The following GDAP2 variants were observed in gnomAD, a reference collection of about 807,000 sequenced individuals.
The protein encoded by GDAP2 is ganglioside-induced differentiation-associated protein 2.
In GDAP2, 51 loss-of-function variants were observed where a neutral mutation model predicts 67.0. The ratio of observed to expected loss-of-function variants is 0.76; its 90% CI spans 0.61 to 0.96. GDAP2 has a LOEUF of 0.96. Ranked by LOEUF, GDAP2 falls within the 40% of genes least tolerant of loss-of-function variation. The pLI is 0.00. For synonymous variants in GDAP2, 203 were observed against 207.3 expected, an observed-to-expected ratio of 0.98 and a Z score of 0.18; for missense variants, 547 against 588.3, an observed-to-expected ratio of 0.93 and a Z score of 0.73.
At chr1:117,882,330 G>A (rs1022358988) in intron 11 of GDAP2, among the ~76,000 whole-genome samples, 4 of 151,942 alleles carry the variant, frequency 2.6e-5, no homozygotes, top group Admixed American at 2.0e-4. Context: ...AATTTGCTGT[G>A]CCCCAGAAAT....
At chr1:117,913,374 T>A (rs969661519) in intron 3 of GDAP2, 1 of 149,662 alleles carries the variant, frequency 6.7e-6, no homozygotes, top group Admixed American at 6.7e-5. Flanking sequence ...CAACAACCCC[T>A]CCCCCAGCCA....
chr1:117,879,403 C>T (rs1288957296), intron 12 of GDAP2, among the ~76,000 whole-genome samples: 1 of 151,920 alleles, frequency 6.6e-6, no homozygotes, highest in East Asian at 1.9e-4. Context: ...ACTTCAGGGT[C>T]CTATAAGATG....
At chr1:117,882,897 T>C (rs1270963021) in intron 11 of GDAP2, 3 of 152,170 alleles carry the variant, frequency 2.0e-5, no homozygotes, top group Non-Finnish European at 4.4e-5. Context: ...GTGCCACTTT[T>C]TATTCAGAAA....
In GDAP2 at chr1:117,899,135, C is replaced by T. The variant is rs757340382; in HGVS notation, c.718G>A (p.Asp240Asn). The T allele has an allele frequency of 6.2e-7, 1 of 1,609,480 alleles. No individual in the cohort carries two copies. The part of the protein sequence containing the change: ...ENRSLPYLPA[D>N]IGNAEGEPVV... Reference sequence around the variant, plus strand: ...GGCTCCCCTTCTGCATTTCCAATATCTGCAGGTAGGTAGGGCAATGATCGA... The same window carrying T: ...GGCTCCCCTTCTGCATTTCCAATATTTGCAGGTAGGTAGGGCAATGATCGA... The change falls in exon 7 of 14, where the codon GAT (aspartate) becomes AAT (asparagine). Residue 240 changes from aspartate (D) to asparagine (N), a missense_variant. Transcript: ENST00000369443.
At chr1:117,884,204 G>A (rs1463002912) in intron 10 of GDAP2, among the ~76,000 whole-genome samples, 6 of 152,112 alleles carry the variant, frequency 3.9e-5, no homozygotes, top group Non-Finnish European at 1.5e-5. Context: ...ATTGACAGCA[G>A]GTTTAATCAG....
Position 117,912,594 on chromosome 1 carries a change from G to A in GDAP2, c.406C>T (p.Arg136Cys), listed in dbSNP as rs753536303. The change falls in exon 4 of 14, where the codon CGC (arginine) becomes TGC (cysteine). Residue 136 changes from arginine to cysteine, a missense_variant. Physicochemically the swap from Arg to Cys is radical, Grantham distance 180 (BLOSUM62 -3). Coordinates refer to ENST00000369443, the MANE Select transcript of GDAP2 (RefSeq NM_017686.4). ...GAACTCTCAGCTGCTGTGCGATAGC[G>A]GCTTTTATATTTAGGTCCCACTGTG... ...IHTVGPKYKSRYRTAAESSLY... is the reference protein window; with the variant it reads ...IHTVGPKYKSCYRTAAESSLY... 19 of 1,613,010 alleles carry A rather than the reference G, an allele frequency of 1.2e-5. No homozygotes were observed. Among genetic ancestry groups the A allele is most frequent in the South Asian group, 5.5e-5 (5 of 91,066 alleles).
chr1:117,882,005 AT>A, intron 11 of GDAP2, 128 bp from the exon 12 acceptor site: 1 of 584,952 alleles, frequency 1.7e-6, no homozygotes, highest in South Asian at 2.4e-5. Context: ...GACAGCTATA[AT>A]TTACAGATTG....
chr1:117,889,865 A>G (rs531196692), intron 8 of GDAP2, among the ~76,000 whole-genome samples: 9 of 152,112 alleles, frequency 5.9e-5, no homozygotes, highest in Admixed American at 1.3e-4. Context: ...ACAGGATTCA[A>G]TTAATACCTA....
At chr1:117,907,774 A>C (rs1274884324) in intron 5 of GDAP2, among the ~76,000 whole-genome samples, 1 of 152,172 alleles carries the variant, frequency 6.6e-6, no homozygotes, top group African/African-American at 2.4e-5. Flanking sequence ...TTTTTCCGCA[A>C]GTCTACATAC....
chr1:117,871,214 T>C (rs1317059952), intron 13 of GDAP2, among the ~76,000 whole-genome samples: 1 of 152,188 alleles, frequency 6.6e-6, no homozygotes, highest in African/African-American at 2.4e-5. Flanking sequence ...ATTACAGTTC[T>C]CAGGAAATTT....
At chr1:117,900,035 C>T (rs906326346) in intron 6 of GDAP2, among the ~76,000 whole-genome samples, 5 of 152,048 alleles carry the variant, frequency 3.3e-5, no homozygotes, top group Non-Finnish European at 5.9e-5. Context: ...AGATTGCAGA[C>T]ATCATCTTTA....
rs551514444 is a variant in GDAP2 at position 117,922,829 on chromosome 1, G to A, written c.-67-2405C>T. On this transcript the variant is annotated intron_variant, in intron 1 of 13. Coordinates refer to ENST00000369443, the MANE Select transcript of GDAP2 (RefSeq NM_017686.4). ...TGTCAGGGTTCAAGAGCAGAGAACC[G>A]GTCTGACTAGAATTCGCCAGGCTGG... Among the ~76,000 whole-genome samples the A allele has an allele frequency of 9.8e-5, 15 of 152,288 alleles. No homozygotes were observed. In the South Asian group the frequency reaches 2.7e-3, roughly 27 times the overall value.
At chr1:117,887,346 A>G (rs910594411) in intron 9 of GDAP2, among the ~76,000 whole-genome samples, 6 of 152,202 alleles carry the variant, frequency 3.9e-5, no homozygotes, top group African/African-American at 1.2e-4. Flanking sequence ...TAAAAGAAAT[A>G]CAATGCAGAA....
chr1:117,877,579 A>C, intron 13 of GDAP2: 1 of 981,342 alleles, frequency 1.0e-6, no homozygotes, highest in Non-Finnish European at 1.2e-6. Context: ...CTTTTAGATA[A>C]ATGAAACTTT....
At chr1:117,903,671 T>G (rs890633906) in intron 6 of GDAP2, among the ~76,000 whole-genome samples, 5 of 152,180 alleles carry the variant, frequency 3.3e-5, no homozygotes, top group African/African-American at 1.2e-4. Context: ...TGGATTTGGT[T>G]TGATAATTTT....
At chr1:117,923,881 A>G (rs1238261054) in intron 1 of GDAP2, among the ~76,000 whole-genome samples, 3 of 152,278 alleles carry the variant, frequency 2.0e-5, no homozygotes, top group African/African-American at 4.8e-5. Context: ...ATTTTAATGT[A>G]TATCTTAAAT....
intron 1 of GDAP2, among the ~76,000 whole-genome samples, chr1:117,927,523 G>T (rs982644462): frequency 2.0e-5 from 3 of 152,048 alleles, no homozygotes; most frequent in Non-Finnish European, 2.9e-5. Flanking sequence ...GCACTTGACC[G>T]CCATTAATTA....
rs1385553934 is a variant in GDAP2, at chr1:117,920,384, C to T, written c.-27G>A. ...GAATGGGAACTTTGATTTGTCTTTTCCCAAAATCCTCAGCAATTCAATATT... is the reference window on the plus strand; with the variant it reads ...GAATGGGAACTTTGATTTGTCTTTTTCCAAAATCCTCAGCAATTCAATATT... On this transcript the variant is annotated 5_prime_UTR_variant, in exon 2 of 14. Coordinates refer to ENST00000369443, the MANE Select transcript of GDAP2 (RefSeq NM_017686.4). The T allele has an allele frequency of 1.3e-6, 2 of 1,515,614 alleles. No individual in the cohort carries two copies. Among genetic ancestry groups the T allele is most frequent in the African/African-American group, 1.4e-5 (1 of 72,080 alleles). 93.9% of individuals were successfully genotyped at this position (1,515,614 alleles called of 1,614,324 possible). A position where few individuals can be genotyped will look rare whatever the true frequency, so the allele number is the denominator to read the frequency against.
chr1:117,906,525 G>C lies in GDAP2; in HGVS notation c.617C>G (p.Ala206Gly), dbSNP rs1229288140. ...AAATACCTCTTCAAGATCAGAGACA[G>C]CAAATACTACTTTTTCAATGGTTTC... ...HGETIEKVVF[A>G]VSDLEEGTYQ... is the part of the protein sequence containing the mutation. Residue 206 changes from alanine to glycine, a missense_variant, in exon 6 of 14, where the codon GCT becomes GGT. Transcript: ENST00000369443. 1.9e-6 allele frequency: 3 copies of C among 1,563,814 alleles called. No individual in the cohort carries two copies. The highest frequency in any genetic ancestry group is 2.6e-6 in the Non-Finnish European group (3 of 1,137,638).
Sources: allele counts gnomAD v4.1 joint callset (sites outside exome capture counted in the v4.1 genomes callset), GRCh38; gene constraint gnomAD v4.1.1; transcripts MANE v1.5; gene names NCBI Gene and HGNC (gene_info 2026-07-23, HGNC 2026-07-21).